CASK: variants seen among roughly 807,000 people sequenced by gnomAD.
The protein encoded by CASK is calcium/calmodulin dependent serine protein kinase.
CASK carries 4 observed loss-of-function variants against 82.9 expected under a neutral mutation model. That is an observed-to-expected ratio of 0.05 (90% confidence interval 0.02 to 0.11). The LOEUF is 0.11. CASK is among the 10% of genes least tolerant of loss of function. CASK has a pLI of 1.00. For synonymous variants in CASK, 259 were observed against 253.5 expected (o/e 1.02, Z -0.20); for missense variants, 358 against 720.9 (o/e 0.50, Z 5.76).
chrX:41,539,193 T>C (rs933225037), intron 22 of CASK, among the ~76,000 whole-genome samples: 1 of 112,105 alleles, frequency 8.9e-6, no homozygotes, highest in Non-Finnish European at 1.9e-5. Flanking sequence ...ATGGGAGTTG[T>C]AGGTAACACA....
chrX:41,534,675 T>C (rs1425791394), intron 24 of CASK, 31 bp downstream of exon 24: 1 of 1,095,715 alleles, frequency 9.1e-7, no homozygotes, highest in Non-Finnish European at 1.3e-6. Flanking sequence ...ATAGGAAAAA[T>C]ATAATGAAAA....
intron 1 of CASK, among the ~76,000 whole-genome samples, chrX:41,888,384 A>C (rs758099795): frequency 1.6e-4 from 17 of 109,513 alleles, no homozygotes; most frequent in African/African-American, 5.7e-4. Flanking sequence ...AGCAGTGTAC[A>C]CTGTACCCAA....
At chrX:41,548,524 A>T (rs779317331) in intron 21 of CASK, among the ~76,000 whole-genome samples, 1 of 111,659 alleles carries the variant, frequency 9.0e-6, no homozygotes, top group African/African-American at 3.3e-5. Context: ...GTTTTTATGT[A>T]TTTATTTTTG....
At chrX:41,600,897 G>A (rs769121888) in intron 12 of CASK, among the ~76,000 whole-genome samples, 4 of 111,838 alleles carry the variant, frequency 3.6e-5, no homozygotes, top group Middle Eastern at 9.2e-3. Flanking sequence ...ATACACACAC[G>A]ATGGAATATT....
At chrX:41,627,509 G>A (rs2066398897) in intron 9 of CASK, among the ~76,000 whole-genome samples, 1 of 111,625 alleles carries the variant, frequency 9.0e-6, no homozygotes, top group Non-Finnish European at 1.9e-5. Context: ...TCTGTCTTCT[G>A]AGTAGTGTAC....
chrX:41,832,939 A>G (rs2070852675), intron 2 of CASK, among the ~76,000 whole-genome samples: 1 of 111,688 alleles, frequency 9.0e-6, no homozygotes, highest in African/African-American at 3.3e-5. Flanking sequence ...CCAGCAAAAA[A>G]CACAAAAATG....
intron 22 of CASK, among the ~76,000 whole-genome samples, chrX:41,538,966 G>A (rs2064912338): frequency 9.0e-6 from 1 of 111,415 alleles, no homozygotes; most frequent in Non-Finnish European, 1.9e-5. Context: ...CCATTCAAAG[G>A]CCATATTAAC....
intron 24 of CASK, among the ~76,000 whole-genome samples, chrX:41,534,392 A>AAC (rs56349527): frequency 0.25 from 22,442 of 91,021 alleles, 2,320 homozygotes; most frequent in Non-Finnish European, 0.28. Flanking sequence ...TTTTATTTAA[A>AAC]ACACACACAC....
At chrX:41,631,970 A>G (rs1399966310) in intron 9 of CASK, among the ~76,000 whole-genome samples, 1 of 109,748 alleles carries the variant, frequency 9.1e-6, no homozygotes, top group African/African-American at 3.3e-5. Context: ...TTACTCTGTC[A>G]CTCAGGCTGG....
chrX:41,763,877 T>A (rs5918236), intron 3 of CASK, among the ~76,000 whole-genome samples: 19,996 of 110,647 alleles, frequency 0.18, 1,539 homozygotes, highest in Middle Eastern at 0.3. Flanking sequence ...TCTAGCTATA[T>A]CTCACAGATA....
At chrX:41,773,406 A>T (rs1462204956) in intron 3 of CASK, among the ~76,000 whole-genome samples, 2 of 110,141 alleles carry the variant, frequency 1.8e-5, no homozygotes, top group African/African-American at 6.6e-5. Flanking sequence ...AAAATAAATT[A>T]AAAAAGAGAG....
chrX:41,920,186 C>T (rs755910902), intron 1 of CASK, among the ~76,000 whole-genome samples: 1 of 111,588 alleles, frequency 9.0e-6, no homozygotes, highest in South Asian at 3.7e-4. Context: ...ACTTGTGATA[C>T]TAATTTGGTA....
At chrX:41,908,466 G>T (rs750577988) in intron 1 of CASK, among the ~76,000 whole-genome samples, 1 of 111,824 alleles carries the variant, frequency 8.9e-6, no homozygotes, top group East Asian at 2.8e-4. Flanking sequence ...AAGTAAAAAG[G>T]CAGTAAGAAT....
chrX:41,869,232 C>T (rs948408108), intron 1 of CASK, among the ~76,000 whole-genome samples: 18 of 111,592 alleles, frequency 1.6e-4, no homozygotes, highest in African/African-American at 5.5e-4. Flanking sequence ...GAGTGAATAC[C>T]TACAGTCCAT....
In CASK at chrX:41,739,805, C is replaced by T. The variant is rs747007123; in HGVS notation, c.357-349G>A. On this transcript the variant is annotated intron_variant, in intron 4 of 26. Transcript: ENST00000378163. ...AGGTAATTCTACTTAAACTGGACTG[C>T]GTTATGTAAACAGTGCTCAGGGCTG... Among the ~76,000 whole-genome samples the T allele has an allele frequency of 2.1e-3, 238 of 112,569 alleles. 1 individual carries two copies. The highest frequency in any genetic ancestry group is 7.0e-3 in the African/African-American group (217 of 31,045).
At chrX:41,610,659 G>A (rs951311416) in intron 11 of CASK, among the ~76,000 whole-genome samples, 2 of 111,280 alleles carry the variant, frequency 1.8e-5, no homozygotes, top group African/African-American at 3.3e-5. Context: ...GTATAGGGAC[G>A]CTGACTGACA....
At chrX:41,723,272 C>A in intron 5 of CASK, among the ~76,000 whole-genome samples, 1 of 111,865 alleles carries the variant, frequency 8.9e-6, no homozygotes, top group Middle Eastern at 4.6e-3. Flanking sequence ...TTCTCTTTTT[C>A]AGACTCCCAC....
intron 2 of CASK, among the ~76,000 whole-genome samples, chrX:41,839,754 G>C (rs1266872173): frequency 1.8e-5 from 2 of 111,409 alleles, no homozygotes; most frequent in African/African-American, 3.3e-5. Context: ...AAAACTTATT[G>C]GAAAAATGTA....
Position 41,633,016 on chromosome X carries a change from C to T in CASK, c.915+3562G>A, listed in dbSNP as rs764549600. ...CGAGATTGCGCCACTGCACTCTAAGCCTGGGTGATGGAGTAAGACTCTCTC... is the reference window on the plus strand; with the variant it reads ...CGAGATTGCGCCACTGCACTCTAAGTCTGGGTGATGGAGTAAGACTCTCTC... On this transcript the variant is annotated intron_variant, in intron 9 of 26. Coordinates refer to ENST00000378163, the MANE Select transcript of CASK (RefSeq NM_001367721.1). 1.2e-3 allele frequency among the ~76,000 whole-genome samples: 118 copies of T among 100,624 alleles called. 2 individuals are homozygous for T. The highest frequency in any genetic ancestry group is 2.1e-3 in the Non-Finnish European group (103 of 49,750). The allele number at this position is 100,624 out of a possible 115,157, so 87.4% of individuals were successfully genotyped here. A position where few individuals can be genotyped will look rare whatever the true frequency, so the allele number is the denominator to read the frequency against.
Sources: gnomAD v4.1 joint callset for allele counts (sites outside exome capture counted in the v4.1 genomes callset) on GRCh38, gnomAD v4.1.1 for gene constraint, MANE v1.5 for transcripts, NCBI Gene and HGNC (gene_info 2026-07-23, HGNC 2026-07-21) for gene names.